SPTBN1: variants seen among roughly 807,000 people sequenced by gnomAD.
The protein encoded by SPTBN1 is spectrin beta chain, non-erythrocytic 1.
SPTBN1 carries 32 observed loss-of-function variants against 266.4 expected under a neutral mutation model. The ratio of observed to expected loss-of-function variants is 0.12; its 90% CI spans 0.09 to 0.16. SPTBN1 has a LOEUF of 0.16. Among genes scored for constraint, SPTBN1 ranks in the 10% least tolerant of loss-of-function variants. The probability of loss-of-function intolerance (pLI) is 1.00; values close to 1 mark genes in which losing one functional copy is unlikely to be tolerated. For synonymous variants in SPTBN1, 1,336 were observed against 1,162.2 expected (o/e 1.15, Z -3.04); for missense variants, 2,296 against 3,067.1 (o/e 0.75, Z 5.94).
intron 17 of SPTBN1, among the ~76,000 whole-genome samples, chr2:54,636,059 A>T (rs1165758902): frequency 6.6e-6 from 1 of 152,216 alleles, no homozygotes. Flanking sequence ...TTCAAGGGGA[A>T]AACTACTGCC....
chr2:54,658,177 A>T (rs2941586), intron 30 of SPTBN1, 131 bp downstream of exon 30: 811,931 of 1,098,312 alleles, frequency 0.74, 303,167 homozygotes, highest in African/African-American at 0.94. Context: ...AGTGAAGATC[A>T]TCTTAAAATG....
intron 1 of SPTBN1, among the ~76,000 whole-genome samples, chr2:54,503,615 T>C (rs1476772803): frequency 6.6e-6 from 1 of 152,248 alleles, no homozygotes; most frequent in Non-Finnish European, 1.5e-5. Context: ...CTCTCATCAC[T>C]GGTTTCACAA....
chr2:54,483,410 T>TA (rs1443867296), intron 1 of SPTBN1, among the ~76,000 whole-genome samples: 1 of 152,184 alleles, frequency 6.6e-6, no homozygotes, highest in Non-Finnish European at 1.5e-5. Flanking sequence ...ACATGAAGTG[T>TA]ATACCAAAGG....
At chr2:54,643,819 A>G (rs140222191) in intron 19 of SPTBN1, among the ~76,000 whole-genome samples, 1 of 152,112 alleles carries the variant, frequency 6.6e-6, no homozygotes, top group Non-Finnish European at 1.5e-5. Context: ...CCCCATCTCT[A>G]TGAAGCATAC....
At chr2:54,525,601 A>G (rs1489744565) in intron 1 of SPTBN1, among the ~76,000 whole-genome samples, 1 of 152,260 alleles carries the variant, frequency 6.6e-6, no homozygotes, top group Non-Finnish European at 1.5e-5. Context: ...ATGATCTGCT[A>G]GTTCTCTTAT....
In SPTBN1 at chr2:54,620,884, T is replaced by C. The variant is rs573143491; in HGVS notation, c.764-516T>C. Reference sequence around the variant, plus strand: ...TGTTCACAGCTGTGCTTCTGAAAGATCAGTCTGGGTGCACTATGTGAAGGA... The same window carrying C: ...TGTTCACAGCTGTGCTTCTGAAAGACCAGTCTGGGTGCACTATGTGAAGGA... On this transcript the variant is annotated intron_variant, in intron 7 of 35. Coordinates refer to ENST00000356805, the MANE Select transcript of SPTBN1 (RefSeq NM_003128.3). Among the ~76,000 whole-genome samples the C allele has an allele frequency of 1.3e-4, 20 of 152,236 alleles. No homozygotes were observed. In the South Asian group the frequency reaches 4.1e-3, roughly 32 times the overall value.
At chr2:54,608,210 G>T (rs1676979019) in intron 3 of SPTBN1, among the ~76,000 whole-genome samples, 1 of 152,154 alleles carries the variant, frequency 6.6e-6, no homozygotes, top group Non-Finnish European at 1.5e-5. Flanking sequence ...GAATATAGAA[G>T]TATAAAGCCT....
At chr2:54,514,809 C>G (rs569689059) in intron 1 of SPTBN1, among the ~76,000 whole-genome samples, 1 of 152,344 alleles carries the variant, frequency 6.6e-6, no homozygotes, top group East Asian at 1.9e-4. Context: ...CATCTTGCTT[C>G]TAACCTCCAA....
chr2:54,456,812 G>T (rs1439049322), intron 1 of SPTBN1, among the ~76,000 whole-genome samples: 3 of 150,732 alleles, frequency 2.0e-5, no homozygotes, highest in Non-Finnish European at 3.0e-5. Flanking sequence ...CACCGCTGCC[G>T]TCCGGCCCCA....
intron 17 of SPTBN1, among the ~76,000 whole-genome samples, chr2:54,635,167 A>T (rs2103970260): frequency 6.6e-6 from 1 of 152,126 alleles, no homozygotes; most frequent in East Asian, 1.9e-4. Context: ...ATGGAAAAGC[A>T]CTCTTTAAGA....
chr2:54,564,750 C>T (rs1673556012), intron 2 of SPTBN1, among the ~76,000 whole-genome samples: 1 of 152,168 alleles, frequency 6.6e-6, no homozygotes, highest in African/African-American at 2.4e-5. Context: ...GGTCAACATC[C>T]CTGCTTGGAC....
intron 1 of SPTBN1, among the ~76,000 whole-genome samples, chr2:54,518,305 G>C (rs1670229730): frequency 6.6e-6 from 1 of 152,014 alleles, no homozygotes; most frequent in South Asian, 2.1e-4. Context: ...GGCCTGTCAT[G>C]GGGTGGGGAG....
intron 1 of SPTBN1, among the ~76,000 whole-genome samples, chr2:54,498,851 G>A (rs1669108181): frequency 1.3e-5 from 2 of 152,220 alleles, no homozygotes; most frequent in Non-Finnish European, 2.9e-5. Context: ...GGTGCATAGA[G>A]ACTTGATTCA....
intron 3 of SPTBN1, among the ~76,000 whole-genome samples, chr2:54,604,209 T>G (rs552233899): frequency 1.3e-5 from 2 of 152,070 alleles, no homozygotes; most frequent in Admixed American, 1.3e-4. Flanking sequence ...TGGACACGTA[T>G]AGAGAAAGAA....
intron 1 of SPTBN1, among the ~76,000 whole-genome samples, chr2:54,504,924 A>T (rs369566558): frequency 2.4e-4 from 37 of 152,194 alleles, no homozygotes; most frequent in African/African-American, 8.4e-4. Context: ...CTTTTTGCTC[A>T]TTATTTTCAG....
At chr2:54,570,149 G>A (rs946092013) in intron 2 of SPTBN1, among the ~76,000 whole-genome samples, 18 of 152,246 alleles carry the variant, frequency 1.2e-4, no homozygotes, top group Admixed American at 6.5e-4. Flanking sequence ...GTCAGAGAGC[G>A]CTCCTGTAGC....
At position 54,653,825 on chromosome 2, in the gene SPTBN1, C is replaced by T. The variant is rs944112678; in HGVS notation, c.5794C>T (p.Arg1932Trp). 8.7e-6 allele frequency: 14 copies of T among 1,613,246 alleles called. No homozygotes were observed. The highest frequency in any genetic ancestry group is 3.3e-5 in the South Asian group (3 of 90,960). ...DLMLWMEDVI[R>W]QIEAQEKPRD... ...CATGCTCTGGATGGAGGATGTCATC[C>T]GGCAGATCGAGGCCCAGGAGAAGCC... The change falls in exon 27 of 36, where the codon CGG becomes TGG. Residue 1932 changes from arginine to tryptophan, a missense_variant. This residue lies in a region of SPTBN1 where 644 missense variants were observed against 745.3 expected (regional missense o/e 0.86). Coordinates refer to ENST00000356805, the MANE Select transcript of SPTBN1 (RefSeq NM_003128.3). The surrounding 1 kb of genome is among the most constrained non-coding windows in gnomAD (Gnocchi z 5.1).
At chr2:54,616,947 C>G (rs976902205) in intron 5 of SPTBN1, among the ~76,000 whole-genome samples, 8 of 152,202 alleles carry the variant, frequency 5.3e-5, no homozygotes, top group African/African-American at 1.7e-4. Context: ...AAAATCAGAA[C>G]TCCATCCATT....
intron 3 of SPTBN1, among the ~76,000 whole-genome samples, chr2:54,607,732 T>A (rs1676942434): frequency 6.6e-6 from 1 of 152,212 alleles, no homozygotes; most frequent in Non-Finnish European, 1.5e-5. Flanking sequence ...TTGGTATCAT[T>A]GGGGGTCCTG....
Sources: allele counts gnomAD v4.1 joint callset (sites outside exome capture counted in the v4.1 genomes callset), GRCh38; gene constraint gnomAD v4.1.1; regional missense constraint gnomAD v4.1.1; non-coding constraint Gnocchi (gnomAD v3.1); transcripts MANE v1.5; gene names NCBI Gene and HGNC (gene_info 2026-07-23, HGNC 2026-07-21).